STXBP5L: variants seen among roughly 807,000 people sequenced by gnomAD.
STXBP5L encodes the protein syntaxin binding protein 5L.
STXBP5L carries 65 observed loss-of-function variants against 144.5 expected under a neutral mutation model. That is an observed-to-expected ratio of 0.45 (90% CI 0.37 to 0.55). The LOEUF is 0.55. Among genes scored for constraint, STXBP5L ranks in the 20% least tolerant of loss-of-function variants. The pLI is 0.00. For synonymous variants in STXBP5L, 505 were observed against 469.6 expected (o/e 1.08, Z -0.97); for missense variants, 1,298 against 1,405.5 (o/e 0.92, Z 1.22).
intron 5 of STXBP5L, among the ~76,000 whole-genome samples, chr3:121,082,013 A>G (rs1281404086): frequency 6.6e-6 from 1 of 152,190 alleles, no homozygotes; most frequent in African/African-American, 2.4e-5. Flanking sequence ...TTTTAAAATT[A>G]TTGTAACCAT....
chr3:121,029,323 C>T (rs538725304), intron 3 of STXBP5L, among the ~76,000 whole-genome samples: 2 of 152,136 alleles, frequency 1.3e-5, no homozygotes, highest in South Asian at 4.1e-4. Context: ...GTACTGGTAA[C>T]AAAACAGATA....
At chr3:121,300,693 T>C (rs1263329594) in intron 19 of STXBP5L, among the ~76,000 whole-genome samples, 1 of 152,080 alleles carries the variant, frequency 6.6e-6, no homozygotes, top group Non-Finnish European at 1.5e-5. Context: ...GTATATTTTA[T>C]TTTCTCAAAA....
chr3:120,936,829 C>T (rs926825358), intron 2 of STXBP5L, among the ~76,000 whole-genome samples: 1 of 152,098 alleles, frequency 6.6e-6, no homozygotes, highest in Admixed American at 6.6e-5. Context: ...GCGTGAGCCA[C>T]CACGCCTGGC....
At chr3:121,229,542 A>C (rs901522080) in intron 11 of STXBP5L, among the ~76,000 whole-genome samples, 2 of 151,876 alleles carry the variant, frequency 1.3e-5, no homozygotes, top group African/African-American at 2.4e-5. Flanking sequence ...CAACCATTTT[A>C]TTTTTATTAT....
intron 13 of STXBP5L, among the ~76,000 whole-genome samples, chr3:121,240,098 T>C (rs1044074710): frequency 6.6e-6 from 1 of 152,162 alleles, no homozygotes; most frequent in African/African-American, 2.4e-5. Flanking sequence ...AGACACTATT[T>C]ACATAGCTTC....
At chr3:120,979,543 C>G (rs1941517646) in intron 3 of STXBP5L, among the ~76,000 whole-genome samples, 1 of 152,148 alleles carries the variant, frequency 6.6e-6, no homozygotes, top group South Asian at 2.1e-4. Flanking sequence ...ACGCACAGTG[C>G]ACTGCACCCA....
At chr3:121,319,494 T>C (rs772924654) in intron 20 of STXBP5L, among the ~76,000 whole-genome samples, 4 of 152,182 alleles carry the variant, frequency 2.6e-5, no homozygotes, top group Non-Finnish European at 4.4e-5. Flanking sequence ...TTATATCCTA[T>C]GTAAATTTTT....
chr3:121,285,846 G>A (rs961461439), intron 19 of STXBP5L, among the ~76,000 whole-genome samples: 2 of 151,670 alleles, frequency 1.3e-5, no homozygotes, highest in African/African-American at 4.8e-5. Flanking sequence ...ACTTTTCTGG[G>A]TTAATGTTAA....
chr3:121,357,079 A>G, intron 20 of STXBP5L: 1 of 173,220 alleles, frequency 5.8e-6, no homozygotes, highest in South Asian at 1.4e-4. Context: ...CTGAATAATC[A>G]CAAAATCCAC....
intron 5 of STXBP5L, among the ~76,000 whole-genome samples, chr3:121,097,420 G>A (rs535763767): frequency 2.6e-5 from 4 of 152,178 alleles, no homozygotes; most frequent in East Asian, 1.9e-4. Context: ...TTTTGTGCTC[G>A]AAACCCAGGG....
intron 15 of STXBP5L, among the ~76,000 whole-genome samples, chr3:121,252,697 T>C (rs925180469): frequency 3.3e-5 from 5 of 152,340 alleles, no homozygotes; most frequent in Middle Eastern, 3.4e-3. Flanking sequence ...GTATCTTAGT[T>C]TTCTATTGCT....
intron 22 of STXBP5L, among the ~76,000 whole-genome samples, chr3:121,392,182 C>T (rs1254026258): frequency 6.6e-6 from 1 of 152,146 alleles, no homozygotes; most frequent in Non-Finnish European, 1.5e-5. Context: ...GTAAGCAAGG[C>T]TCCATGGGCA....
At chr3:121,403,010 T>C (rs1391534040) in intron 22 of STXBP5L, among the ~76,000 whole-genome samples, 1 of 152,120 alleles carries the variant, frequency 6.6e-6, no homozygotes, top group Non-Finnish European at 1.5e-5. Flanking sequence ...ACGTATTTTC[T>C]CTAGTCTCTT....
chr3:121,160,367 C>T (rs1248256989), intron 9 of STXBP5L, among the ~76,000 whole-genome samples: 1 of 151,320 alleles, frequency 6.6e-6, no homozygotes, highest in Non-Finnish European at 1.5e-5. Context: ...AAAGATTCAA[C>T]AAAACCAAAG....
chr3:121,090,703 T>C (rs1251922446), intron 5 of STXBP5L, among the ~76,000 whole-genome samples: 1 of 152,186 alleles, frequency 6.6e-6, no homozygotes, highest in Non-Finnish European at 1.5e-5. Flanking sequence ...AATAACATTG[T>C]TGATCATGTA....
chr3:121,101,763 C>T (rs917914660), intron 5 of STXBP5L, among the ~76,000 whole-genome samples: 17 of 152,080 alleles, frequency 1.1e-4, no homozygotes, highest in Middle Eastern at 3.4e-3. Flanking sequence ...AAATAAAAGG[C>T]ATCCAACTAG....
chr3:121,094,558 G>C (rs11925873), intron 5 of STXBP5L, among the ~76,000 whole-genome samples: 18,232 of 151,866 alleles, frequency 0.12, 1,150 homozygotes, highest in Non-Finnish European at 0.14. Flanking sequence ...ATCTTTGTTG[G>C]TTTAAAGTCT....
rs1948489481 is a variant in STXBP5L at position 121,056,783 on chromosome 3, A to G, written c.470+11248A>G. On this transcript the variant is annotated intron_variant, in intron 5 of 26. Coordinates refer to ENST00000471454, the MANE Select transcript of STXBP5L (RefSeq NM_001308330.2). ...CTTTATAGACGTTCATTACATACATATATAAGCAAATATAATATGTAACAT... is the reference window on the plus strand; with the variant it reads ...CTTTATAGACGTTCATTACATACATGTATAAGCAAATATAATATGTAACAT... Among the ~76,000 whole-genome samples the G allele has an allele frequency of 4.6e-5, 7 of 152,126 alleles. No individual in the cohort carries two copies. The South Asian group carries it at 1.5e-3, about 32-fold the overall frequency.
chr3:121,330,662 A>G (rs2044294255), intron 20 of STXBP5L, among the ~76,000 whole-genome samples: 1 of 152,140 alleles, frequency 6.6e-6, no homozygotes, highest in Admixed American at 6.5e-5. Context: ...CTCTTTGCAA[A>G]TGCTACCCCC....
Sources: gnomAD v4.1 joint callset for allele counts (sites outside exome capture counted in the v4.1 genomes callset) on GRCh38, gnomAD v4.1.1 for gene constraint, MANE v1.5 for transcripts, NCBI Gene and HGNC (gene_info 2026-07-23, HGNC 2026-07-21) for gene names.